Variants in ATP10B observed in about 807,000 individuals in gnomAD.
ATP10B encodes ATPase phospholipid transporting 10B (putative), also known as phospholipid-transporting ATPase VB.
Under a neutral mutation model 141.2 loss-of-function variants are expected in ATP10B, and 122 were observed. That is an observed-to-expected ratio of 0.86 (90% CI 0.75 to 1.00). The LOEUF is 1.00. Ranked by LOEUF, ATP10B falls within the 50% of genes least tolerant of loss-of-function variation. ATP10B has a pLI of 0.00. For missense variants in ATP10B, 1,876 were observed against 1,825.3 expected, an observed-to-expected ratio of 1.03 and a Z score of -0.51; for synonymous variants, 685 against 692.0, an observed-to-expected ratio of 0.99 and a Z score of 0.16.
chr5:160,647,516 T>G (rs190712412), intron 8 of ATP10B, among the ~76,000 whole-genome samples: 30 of 152,308 alleles, frequency 2.0e-4, no homozygotes, highest in Admixed American at 1.6e-3. Flanking sequence ...AGTTCTGTCC[T>G]GAAATCCGTC....
At chr5:160,769,799 C>T (rs999429660) in intron 2 of ATP10B, among the ~76,000 whole-genome samples, 1 of 152,164 alleles carries the variant, frequency 6.6e-6, no homozygotes, top group East Asian at 1.9e-4. Context: ...CACAATCAGA[C>T]CAAAAGCAGA....
chr5:160,843,381 T>TA (rs1422675485), intron 1 of ATP10B, among the ~76,000 whole-genome samples: 1 of 152,112 alleles, frequency 6.6e-6, no homozygotes, highest in African/African-American at 2.4e-5. Context: ...ACTGAGTAAC[T>TA]AATTGCCAGC....
At chr5:160,808,240 A>G (rs1413001965) in intron 1 of ATP10B, among the ~76,000 whole-genome samples, 4 of 152,164 alleles carry the variant, frequency 2.6e-5, no homozygotes, top group African/African-American at 4.8e-5. Context: ...TTTGTGTAAG[A>G]AAAAAAGAAG....
In ATP10B at chr5:160,739,804, C is replaced by A. The variant is rs1444104619; in HGVS notation, c.-330-22770G>T. Among the ~76,000 whole-genome samples the A allele has an allele frequency of 4.0e-5, 6 of 151,238 alleles. No homozygotes were observed. In the Admixed American group the frequency reaches 4.0e-4, roughly 10 times the overall value. ...ATCCATAAACATTTTATATTCATTT[C>A]CTGTTTTTTGTTTTTGTTTTTTAAA... On this transcript the variant is annotated intron_variant, in intron 2 of 25. Transcript: ENST00000327245.
At chr5:160,819,556 G>T (rs1431041402) in intron 1 of ATP10B, among the ~76,000 whole-genome samples, 1 of 152,122 alleles carries the variant, frequency 6.6e-6, no homozygotes, top group South Asian at 2.1e-4. Flanking sequence ...ACTGTGGTGT[G>T]TAAACTACTC....
intron 1 of ATP10B, among the ~76,000 whole-genome samples, chr5:160,820,539 T>C (rs1774019001): frequency 6.6e-6 from 1 of 152,180 alleles, no homozygotes; most frequent in African/African-American, 2.4e-5. Flanking sequence ...AAACTCATTC[T>C]GTGAAGCCAG....
At position 160,617,905 on chromosome 5, in the gene ATP10B, A is replaced by T. The variant is rs773650952; in HGVS notation, c.2485T>A (p.Tyr829Asn). ...RARTQKHLDL[Y>N]ARDGLRTLCI... Reference sequence around the variant, plus strand: ...AGTGTGCGCAGGCCATCTCTTGCATACAAGTCTAGATGCTTTTGGGTCCGG... The same window carrying T: ...AGTGTGCGCAGGCCATCTCTTGCATTCAAGTCTAGATGCTTTTGGGTCCGG... Residue 829 changes from tyrosine to asparagine, a missense_variant, in exon 16 of 26, where the codon TAT becomes AAT. Coordinates refer to ENST00000327245, the MANE Select transcript of ATP10B (RefSeq NM_025153.3). The T allele has an allele frequency of 1.2e-6, 2 of 1,614,080 alleles. No individual in the cohort carries two copies. The highest frequency in any genetic ancestry group is 1.7e-6 in the Non-Finnish European group (2 of 1,180,016).
intron 1 of ATP10B, among the ~76,000 whole-genome samples, chr5:160,797,281 G>A (rs1772015437): frequency 6.6e-6 from 1 of 152,192 alleles, no homozygotes; most frequent in Admixed American, 6.5e-5. Context: ...ACCTATGGAT[G>A]CATGCACAAC....
intron 2 of ATP10B, among the ~76,000 whole-genome samples, chr5:160,730,593 C>G (rs1424717555): frequency 6.6e-6 from 1 of 152,052 alleles, no homozygotes; most frequent in Non-Finnish European, 1.5e-5. Flanking sequence ...TGACTGAGTA[C>G]AAAAAGCGTT....
intron 25 of ATP10B, among the ~76,000 whole-genome samples, chr5:160,569,264 G>A (rs1359815916): frequency 6.6e-6 from 1 of 152,210 alleles, no homozygotes; most frequent in African/African-American, 2.4e-5. Context: ...TGTCACAACT[G>A]AGGTCACACT....
chr5:160,761,781 C>T (rs1769060168), intron 2 of ATP10B, among the ~76,000 whole-genome samples: 1 of 151,800 alleles, frequency 6.6e-6, no homozygotes, highest in Non-Finnish European at 1.5e-5. Context: ...GATTATTAAG[C>T]TACTAAAGGA....
chr5:160,798,521 C>T (rs187825225), intron 1 of ATP10B, among the ~76,000 whole-genome samples: 109 of 152,228 alleles, frequency 7.2e-4, no homozygotes, highest in Non-Finnish European at 3.8e-4. Context: ...CTAAGGAACA[C>T]TGAGGGTTGC....
intron 13 of ATP10B, among the ~76,000 whole-genome samples, chr5:160,629,456 G>A (rs756107232): frequency 8.5e-5 from 13 of 152,154 alleles, no homozygotes; most frequent in Admixed American, 2.6e-4. Context: ...TCCCCATCTT[G>A]GCTGCTCCTT....
At chr5:160,889,206 G>A in the ATP10B span, among the ~76,000 whole-genome samples, 477 of 152,228 alleles carry the variant, frequency 3.1e-3, 5 homozygotes, top group African/African-American at 0.011. Context: ...AGCCAACCCC[G>A]CAGCCTTCCA....
intron 21 of ATP10B, 27 bp downstream of exon 21, chr5:160,602,550 G>A (rs781347903): frequency 1.9e-6 from 3 of 1,612,976 alleles, no homozygotes; most frequent in Non-Finnish European, 1.7e-6. Flanking sequence ...CAAAGCCCTG[G>A]GTGAGAGGAC....
At chr5:160,897,627 T>C in the ATP10B span, among the ~76,000 whole-genome samples, 1 of 152,220 alleles carries the variant, frequency 6.6e-6, no homozygotes, top group Non-Finnish European at 1.5e-5. Context: ...AAGTAGTTTA[T>C]AGATTCAATG....
At chr5:160,895,539 A>T in the ATP10B span, among the ~76,000 whole-genome samples, 1 of 152,232 alleles carries the variant, frequency 6.6e-6, no homozygotes, top group African/African-American at 2.4e-5. Flanking sequence ...GAGCACCAAG[A>T]TTCATACAGC....
At chr5:160,604,705 G>GAC (rs879589294) in intron 19 of ATP10B, among the ~76,000 whole-genome samples, 151 of 151,524 alleles carry the variant, frequency 1.0e-3, no homozygotes, top group South Asian at 2.5e-3. Flanking sequence ...GTAAGGCATA[G>GAC]ACACACACAC....
chr5:160,709,918 T>C (rs1391930718), intron 3 of ATP10B, among the ~76,000 whole-genome samples: 7 of 109,268 alleles, frequency 6.4e-5, no homozygotes, highest in African/African-American at 2.5e-4. Context: ...ATTTCATCCA[T>C]GTCCCTACAA....
Sources: gnomAD v4.1 joint callset for allele counts (sites outside exome capture counted in the v4.1 genomes callset) on GRCh38, gnomAD v4.1.1 for gene constraint, MANE v1.5 for transcripts, NCBI Gene and HGNC (gene_info 2026-07-23, HGNC 2026-07-21) for gene names.